The following SYNC variants were observed in gnomAD, a reference collection of about 807,000 sequenced individuals.
SYNC encodes the protein syncoilin, intermediate filament protein, also known as syncoilin.
In SYNC, 38 loss-of-function variants were observed where a neutral mutation model predicts 49.5. That is an observed-to-expected ratio of 0.77 (90% confidence interval 0.59 to 1.01). The LOEUF (loss-of-function observed/expected upper bound fraction) is 1.01. Among genes scored for constraint, SYNC ranks in the 50% least tolerant of loss-of-function variants. The pLI, the probability that SYNC is intolerant of heterozygous loss-of-function variation, is 0.00. For synonymous variants in SYNC, 201 were observed against 230.8 expected, an observed-to-expected ratio of 0.87 and a Z score of 1.17; for missense variants, 579 against 580.6, an observed-to-expected ratio of 1.00 and a Z score of 0.03.
chr1:32,684,097 AAGAG>A lies in SYNC; in HGVS notation c.1359-12_1359-9del, dbSNP rs34250196. 323 of 1,613,492 alleles carry A rather than the reference AAGAG, an allele frequency of 2.0e-4. No homozygotes were observed. Among genetic ancestry groups the A allele is most frequent in the Admixed American group, 3.0e-4 (18 of 59,818 alleles). On this transcript the variant is annotated splice_polypyrimidine_tract_variant and intron_variant, in intron 3 of 4. Coordinates refer to ENST00000409190, the MANE Select transcript of SYNC (RefSeq NM_030786.3). ...TTGGGTAGTAGCATAGCCCTTTAAA[AAGAG>A]AGAGCCATTTTCCATGTGTTTTTGG...
chr1:32,690,462 T>TGGTG (rs1650104661), intron 2 of SYNC, among the ~76,000 whole-genome samples: 1 of 149,908 alleles, frequency 6.7e-6, no homozygotes, highest in Non-Finnish European at 1.5e-5. Flanking sequence ...CTGGCCAAGA[T>TGGTG]GGTGAAGCCC....
chr1:32,681,715 A>G lies in SYNC; in HGVS notation c.*135T>C, dbSNP rs1649447844. The G allele has an allele frequency of 1.4e-6, 2 of 1,448,692 alleles. No individual in the cohort carries two copies. The highest frequency in any genetic ancestry group is 1.2e-5 in the South Asian group (1 of 84,818). The allele number at this position is 1,448,692 out of a possible 1,614,324, so 89.7% of individuals were successfully genotyped here. ...TTAAGCAGGTCAGCCAGTATTTGCA[A>G]CTTCCACAGGATGAATTGCTTGCCA... On this transcript the variant is annotated 3_prime_UTR_variant, in exon 5 of 5. Transcript: ENST00000409190.
chr1:32,683,145 G>A (rs1156572413), intron 4 of SYNC: 2 of 151,968 alleles, frequency 1.3e-5, no homozygotes, highest in Non-Finnish European at 1.5e-5. Flanking sequence ...AGCCAGGCGT[G>A]GTGGTGCGTG....
At chr1:32,699,618 C>T (rs184631583) in intron 1 of SYNC, among the ~76,000 whole-genome samples, 79 of 151,920 alleles carry the variant, frequency 5.2e-4, no homozygotes, top group African/African-American at 1.8e-3. Flanking sequence ...CTCTACACCA[C>T]CACAGTTAAC....
chr1:32,692,408 C>T (rs1161902272), intron 2 of SYNC, among the ~76,000 whole-genome samples: 1 of 152,062 alleles, frequency 6.6e-6, no homozygotes, highest in African/African-American at 2.4e-5. Context: ...GACTGTGAAC[C>T]AATTTTTTAA....
At chr1:32,690,841 C>T (rs1650124661) in intron 2 of SYNC, among the ~76,000 whole-genome samples, 1 of 151,818 alleles carries the variant, frequency 6.6e-6, no homozygotes, top group Admixed American at 6.6e-5. Context: ...AATCCCAGCA[C>T]TTTGGGAGGC....
intron 2 of SYNC, among the ~76,000 whole-genome samples, chr1:32,686,396 T>C (rs1258169169): frequency 6.6e-6 from 1 of 152,216 alleles, no homozygotes; most frequent in Non-Finnish European, 1.5e-5. Context: ...TAGATACTAA[T>C]TTCTCAAGGG....
rs780299831 is a variant in SYNC, at chr1:32,681,535, C to G, written c.*315G>C. ...ATACTCCCAGATGTGTCCATACATTCATCCTTCACTCAGTGCATATGTGAG... is the reference window on the plus strand; with the variant it reads ...ATACTCCCAGATGTGTCCATACATTGATCCTTCACTCAGTGCATATGTGAG... On this transcript the variant is annotated 3_prime_UTR_variant, in exon 5 of 5. Transcript: ENST00000409190. The G allele has an allele frequency of 2.3e-6, 1 of 432,880 alleles. No individual in the cohort carries two copies. Among genetic ancestry groups the G allele is most frequent in the Non-Finnish European group, 4.1e-6 (1 of 242,982 alleles). The allele number at this position is 432,880 out of a possible 1,614,324, so 26.8% of individuals were successfully genotyped here.
chr1:32,694,737 C>T (rs1650321862), intron 2 of SYNC, 128 bp downstream of exon 2: 20 of 862,174 alleles, frequency 2.3e-5, no homozygotes, highest in South Asian at 4.0e-5. Context: ...GAAAAAATTG[C>T]GTGGCCCCAA....
intron 1 of SYNC, among the ~76,000 whole-genome samples, chr1:32,698,460 A>G (rs1650534201): frequency 6.6e-6 from 1 of 152,122 alleles, no homozygotes; most frequent in South Asian, 2.1e-4. Context: ...CGGAGCTTGC[A>G]GTGAGCCCAG....
chr1:32,700,525 G>A (rs996266574), intron 1 of SYNC, among the ~76,000 whole-genome samples: 18 of 152,224 alleles, frequency 1.2e-4, no homozygotes, highest in African/African-American at 3.4e-4. Context: ...GTGAAACTCC[G>A]TCTCTACTAA....
At chr1:32,687,461 A>G (rs1649909364) in intron 2 of SYNC, among the ~76,000 whole-genome samples, 1 of 151,904 alleles carries the variant, frequency 6.6e-6, no homozygotes, top group Non-Finnish European at 1.5e-5. Flanking sequence ...TCACGAGGTC[A>G]AGAGATCAAA....
At position 32,702,491 on chromosome 1, in the gene SYNC, C is replaced by T. The variant is rs1650704863; in HGVS notation, c.53+117G>A. On this transcript the variant is annotated intron_variant, in intron 1 of 4. Coordinates refer to ENST00000409190, the MANE Select transcript of SYNC (RefSeq NM_030786.3). The surrounding 1 kb of genome is among the most constrained non-coding windows in gnomAD (Gnocchi z 6.2). Reference sequence around the variant, plus strand: ...ACGAGGCGGCTCCAGTGCCCCACCCCGGCTGGACCACTACCCCTAGACAGG... The same window carrying T: ...ACGAGGCGGCTCCAGTGCCCCACCCTGGCTGGACCACTACCCCTAGACAGG... 1.9e-6 allele frequency: 2 copies of T among 1,033,408 alleles called. No homozygotes were observed. The highest frequency in any genetic ancestry group is 2.4e-6 in the Non-Finnish European group (2 of 825,114). 64.0% of individuals were successfully genotyped at this position (1,033,408 alleles called of 1,614,324 possible). A position where few individuals can be genotyped will look rare whatever the true frequency, so the allele number is the denominator to read the frequency against.
chr1:32,687,253 CG>C (rs1307956087), intron 2 of SYNC, among the ~76,000 whole-genome samples: 2 of 150,056 alleles, frequency 1.3e-5, no homozygotes, highest in East Asian at 3.9e-4. Context: ...CTCAGCTACT[CG>C]GGAGGCTGAG....
At position 32,681,716 on chromosome 1, in the gene SYNC, C is replaced by A. The variant is rs369187880; in HGVS notation, c.*134G>T. 13 of 1,463,946 alleles carry A rather than the reference C, an allele frequency of 8.9e-6. No individual in the cohort carries two copies. The highest frequency in any genetic ancestry group is 1.7e-4 in the Middle Eastern group (1 of 5,812). 90.7% of individuals were successfully genotyped at this position (1,463,946 alleles called of 1,614,324 possible). The stretch of plus-strand genomic sequence containing the variant: ...TAAGCAGGTCAGCCAGTATTTGCAA[C>A]TTCCACAGGATGAATTGCTTGCCAA... On this transcript the variant is annotated 3_prime_UTR_variant, in exon 5 of 5. Coordinates refer to ENST00000409190, the MANE Select transcript of SYNC (RefSeq NM_030786.3).
At chr1:32,687,072 A>G (rs1397581745) in intron 2 of SYNC, among the ~76,000 whole-genome samples, 1 of 152,184 alleles carries the variant, frequency 6.6e-6, no homozygotes, top group Non-Finnish European at 1.5e-5. Flanking sequence ...AAGAATACAT[A>G]AAACTGGCCA....
Position 32,680,347 on chromosome 1 carries a change from T to G in SYNC, c.*1503A>C, listed in dbSNP as rs11490888. 6,015 of 1,210,788 alleles carry G rather than the reference T, an allele frequency of 5.0e-3. 20 individuals carry two copies. Among genetic ancestry groups the G allele is most frequent in the Middle Eastern group, 0.017 (49 of 2,906 alleles). The allele number at this position is 1,210,788 out of a possible 1,614,324, so 75.0% of individuals were successfully genotyped here. On this transcript the variant is annotated 3_prime_UTR_variant, in exon 5 of 5. Transcript: ENST00000409190. ...CTGTCTGTGAAATGGTGTTTTTTTTTTTGTTGTTGGTTTTTTTTTTTTTTT... is the reference window on the plus strand; with the variant it reads ...CTGTCTGTGAAATGGTGTTTTTTTTGTTGTTGTTGGTTTTTTTTTTTTTTT...
In SYNC at chr1:32,698,706, G is replaced by A. The variant is rs147431820; in HGVS notation, c.54-2662C>T. 9.5e-4 allele frequency among the ~76,000 whole-genome samples: 145 copies of A among 152,082 alleles called. 1 individual carries two copies. In the East Asian group the frequency reaches 0.026, roughly 28 times the overall value. On this transcript the variant is annotated intron_variant, in intron 1 of 4. Coordinates refer to ENST00000409190, the MANE Select transcript of SYNC (RefSeq NM_030786.3). The stretch of plus-strand genomic sequence containing the variant: ...CTGCCAGCTCAGTCAGTTCCCACTG[G>A]GGAGTGTTCTCTTGCTGCTTTGCCC...
upstream of SYNC, chr1:32,703,576 G>A (rs921765652): frequency 1.3e-5 from 2 of 152,246 alleles, no homozygotes; most frequent in Non-Finnish European, 2.9e-5. Context: ...TCTTCCTTCG[G>A]ATTCCTTTTT....
Sources: allele counts gnomAD v4.1 joint callset (sites outside exome capture counted in the v4.1 genomes callset), GRCh38; gene constraint gnomAD v4.1.1; non-coding constraint Gnocchi (gnomAD v3.1); transcripts MANE v1.5; gene names NCBI Gene and HGNC (gene_info 2026-07-23, HGNC 2026-07-21).